Variants in CHSY3 observed in about 807,000 individuals in gnomAD.
CHSY3 encodes N-acetylgalactosaminyl-proteoglycan 3-beta-glucuronosyltransferase 3.
CHSY3 carries 35 observed loss-of-function variants against 67.2 expected under a neutral mutation model. The observed-to-expected ratio is 0.52, with a 90% CI of 0.40 to 0.69. The LOEUF is 0.69. CHSY3 is among the 30% of genes least tolerant of loss of function. The pLI is 0.00. For synonymous variants in CHSY3, 474 were observed against 434.7 expected (o/e 1.09, Z -1.12); for missense variants, 1,069 against 1,138.5 (o/e 0.94, Z 0.88).
intron 2 of CHSY3, chr5:130,051,958 AACTC>A (rs1286431846): frequency 1.3e-5 from 2 of 151,730 alleles, no homozygotes; most frequent in African/African-American, 2.4e-5. Context: ...AAAAAAAAGA[AACTC>A]ACCTCGAAAA....
intron 2 of CHSY3, among the ~76,000 whole-genome samples, chr5:130,091,462 C>T (rs961726686): frequency 6.6e-6 from 1 of 152,158 alleles, no homozygotes; most frequent in African/African-American, 2.4e-5. Flanking sequence ...TACTCATTGC[C>T]TTATCTGCAA....
intron 2 of CHSY3, among the ~76,000 whole-genome samples, chr5:129,918,538 C>A (rs1760806770): frequency 6.6e-6 from 1 of 152,080 alleles, no homozygotes; most frequent in Non-Finnish European, 1.5e-5. Context: ...GTACAGGATA[C>A]ACAGGAGTTT....
intron 2 of CHSY3, among the ~76,000 whole-genome samples, chr5:130,154,835 C>A (rs1038981641): frequency 2.0e-5 from 3 of 152,034 alleles, no homozygotes; most frequent in Non-Finnish European, 2.9e-5. Context: ...AAAGATCTTC[C>A]TAGGAAGGTA....
chr5:129,991,219 T>C lies in CHSY3; in HGVS notation c.1086+82859T>C, dbSNP rs115169528. Among the ~76,000 whole-genome samples the C allele has an allele frequency of 1.9e-3, 286 of 152,188 alleles. 3 individuals carry two copies. Among genetic ancestry groups the C allele is most frequent in the African/African-American group, 6.5e-3 (270 of 41,550 alleles). ...ATCTAGTGGCAAGGTGGGGAATTCA[T>C]TGGAGGAAGGTGATGCTGGAGTTTG... On this transcript the variant is annotated intron_variant, in intron 2 of 2. Transcript: ENST00000305031.
At chr5:129,924,198 G>T (rs1273063406) in intron 2 of CHSY3, among the ~76,000 whole-genome samples, 4 of 151,998 alleles carry the variant, frequency 2.6e-5, no homozygotes, top group Non-Finnish European at 5.9e-5. Context: ...TTCCTAGAGA[G>T]CTTCCCCCAA....
At chr5:129,968,011 A>T (rs1762516586) in intron 2 of CHSY3, among the ~76,000 whole-genome samples, 1 of 151,816 alleles carries the variant, frequency 6.6e-6, no homozygotes, top group East Asian at 1.9e-4. Context: ...CCTGACAATA[A>T]ACTATGGTAG....
In CHSY3 at chr5:129,961,053, G is replaced by A. The variant is rs115154244; in HGVS notation, c.1086+52693G>A. 9.5e-3 allele frequency among the ~76,000 whole-genome samples: 1,440 copies of A among 152,212 alleles called. 21 individuals carry two copies. The highest frequency in any genetic ancestry group is 0.033 in the African/African-American group (1,351 of 41,548). On this transcript the variant is annotated intron_variant, in intron 2 of 2. Transcript: ENST00000305031. ...TGGAATGTTTGGTTGATTGCGGCAA[G>A]TCTGACTTGCTTTTCACCATAAATG...
chr5:130,000,732 C>CTTCT (rs776331371), intron 2 of CHSY3, among the ~76,000 whole-genome samples: 30 of 76,470 alleles, frequency 3.9e-4, no homozygotes, highest in Admixed American at 6.4e-4. Context: ...AACTTTTCTT[C>CTTCT]TTTTTTTTTT....
chr5:129,965,602 A>G (rs1442470459), intron 2 of CHSY3, among the ~76,000 whole-genome samples: 1 of 151,900 alleles, frequency 6.6e-6, no homozygotes, highest in Non-Finnish European at 1.5e-5. Flanking sequence ...AAAGGTTTTC[A>G]TCGTACCTTT....
intron 2 of CHSY3, among the ~76,000 whole-genome samples, chr5:130,056,918 CTTTTTTT>C (rs58326964): frequency 3.6e-5 from 2 of 56,128 alleles, no homozygotes; most frequent in Non-Finnish European, 6.6e-5. Context: ...GCATTTCTTT[CTTTTTTT>C]TTTTTTTTTT....
chr5:130,108,069 T>C (rs920713616), intron 2 of CHSY3, among the ~76,000 whole-genome samples: 7 of 151,642 alleles, frequency 4.6e-5, no homozygotes, highest in African/African-American at 1.7e-4. Context: ...AGCACTTTCA[T>C]ATATATTTTT....
At chr5:130,013,234 G>T (rs1424545816) in intron 2 of CHSY3, among the ~76,000 whole-genome samples, 1 of 152,152 alleles carries the variant, frequency 6.6e-6, no homozygotes, top group African/African-American at 2.4e-5. Flanking sequence ...TCACAGGCTG[G>T]CATTGAGTGT....
At chr5:130,126,429 T>C (rs1171298081) in intron 2 of CHSY3, among the ~76,000 whole-genome samples, 1 of 152,186 alleles carries the variant, frequency 6.6e-6, no homozygotes, top group Admixed American at 6.5e-5. Context: ...GACATAATTA[T>C]ACTCATGGTA....
chr5:130,055,631 C>T (rs996518400), intron 2 of CHSY3, among the ~76,000 whole-genome samples: 1 of 151,942 alleles, frequency 6.6e-6, no homozygotes, highest in Non-Finnish European at 1.5e-5. Flanking sequence ...GACACATACA[C>T]CCTAGTAGTA....
At chr5:130,077,860 A>G (rs531371139) in intron 2 of CHSY3, among the ~76,000 whole-genome samples, 17 of 151,994 alleles carry the variant, frequency 1.1e-4, no homozygotes, top group South Asian at 2.1e-4. Flanking sequence ...TTTTTGTGAG[A>G]ATACATATTG....
intron 2 of CHSY3, among the ~76,000 whole-genome samples, chr5:129,913,472 T>C (rs1760635467): frequency 6.6e-6 from 1 of 152,196 alleles, no homozygotes; most frequent in South Asian, 2.1e-4. Flanking sequence ...ATAGATATGT[T>C]TTTAGTAAAT....
chr5:130,046,953 AAT>A (rs1425509857), intron 2 of CHSY3, among the ~76,000 whole-genome samples: 2 of 151,570 alleles, frequency 1.3e-5, no homozygotes, highest in African/African-American at 2.4e-5. Flanking sequence ...AAATTGTTAA[AAT>A]AAATTAAAAT....
intron 2 of CHSY3, among the ~76,000 whole-genome samples, chr5:129,962,951 T>G (rs1580587346): frequency 6.6e-6 from 1 of 151,944 alleles, no homozygotes; most frequent in East Asian, 1.9e-4. Flanking sequence ...TGGGGGTCTT[T>G]GCGGGTTATG....
intron 2 of CHSY3, among the ~76,000 whole-genome samples, chr5:129,941,459 C>T (rs1330927382): frequency 6.6e-6 from 1 of 151,910 alleles, no homozygotes; most frequent in Non-Finnish European, 1.5e-5. Context: ...CAGATTTATG[C>T]CAGTGTCTTA....
Sources: gnomAD v4.1 joint callset for allele counts (sites outside exome capture counted in the v4.1 genomes callset) on GRCh38, gnomAD v4.1.1 for gene constraint, MANE v1.5 for transcripts, NCBI Gene and HGNC (gene_info 2026-07-23, HGNC 2026-07-21) for gene names.